CD84: variants seen among roughly 807,000 people sequenced by gnomAD.
CD84 encodes the protein SLAM family member 5.
A neutral mutation model predicts 33.8 loss-of-function variants in CD84; 22 were observed. The ratio of observed to expected loss-of-function variants is 0.65; its 90% CI spans 0.46 to 0.93. The LOEUF (loss-of-function observed/expected upper bound fraction) is 0.93, where lower values mean the gene tolerates loss of function less well. CD84 is among the 40% of genes least tolerant of loss of function. The pLI, the probability that CD84 is intolerant of heterozygous loss-of-function variation, is 0.00. For synonymous variants in CD84, 154 were observed against 145.2 expected (o/e 1.06, Z -0.44); for missense variants, 400 against 397.6 (o/e 1.01, Z -0.05).
chr1:160,556,213 T>G (rs1571356947), intron 2 of CD84, among the ~76,000 whole-genome samples: 1 of 152,184 alleles, frequency 6.6e-6, no homozygotes, highest in South Asian at 2.1e-4. Context: ...TGCACAAAGA[T>G]GCTGGGAAGA....
intron 2 of CD84, among the ~76,000 whole-genome samples, chr1:160,557,672 G>C (rs1202063603): frequency 6.6e-6 from 1 of 152,192 alleles, no homozygotes; most frequent in Non-Finnish European, 1.5e-5. Context: ...CATTTCAAAA[G>C]TCAAAACAAG....
chr1:160,546,282 C>G lies in CD84; in HGVS notation c.*1974G>C, dbSNP rs1393049307. ...GGATTACAGGCGTGAGCCACCACCC[C>G]AGCCGGCTTCCGTTTATCTGTAATT... On this transcript the variant is annotated 3_prime_UTR_variant, in exon 7 of 7. Transcript: ENST00000368054. 1.3e-5 allele frequency: 2 copies of G among 152,300 alleles called. No homozygotes were observed. The highest frequency in any genetic ancestry group is 2.9e-5 in the Non-Finnish European group (2 of 68,096). 9.4% of individuals were successfully genotyped at this position (152,300 alleles called of 1,614,324 possible).
chr1:160,550,066 T>G, intron 5 of CD84, 87 bp from the exon 6 acceptor site: 1 of 917,854 alleles, frequency 1.1e-6, no homozygotes, highest in Non-Finnish European at 1.8e-6. Flanking sequence ...CCCACCATCC[T>G]TCCCTGGTCC....
chr1:160,574,288 G>GA (rs1251085421), intron 1 of CD84, among the ~76,000 whole-genome samples: 1 of 152,052 alleles, frequency 6.6e-6, no homozygotes, highest in Non-Finnish European at 1.5e-5. Flanking sequence ...TTATTAACAA[G>GA]AATCAGATGG....
Position 160,549,994 on chromosome 1 carries a change from T to A in CD84, c.859-15A>T. 1 of 1,588,734 alleles carries A rather than the reference T, an allele frequency of 6.3e-7. No homozygotes were observed. Among genetic ancestry groups the A allele is most frequent in the Non-Finnish European group, 8.6e-7 (1 of 1,158,722 alleles). ...GAGGGAAGCACCTGTAAAACACACA[T>A]CTTCCCCTCAGTGAGGGAGCCCAGG... On this transcript the variant is annotated splice_polypyrimidine_tract_variant and intron_variant, in intron 5 of 6. Transcript: ENST00000368054.
chr1:160,575,420 A>T (rs140375136), intron 1 of CD84, among the ~76,000 whole-genome samples: 1 of 151,942 alleles, frequency 6.6e-6, no homozygotes, highest in African/African-American at 2.4e-5. Context: ...GCAATAGTAC[A>T]TTGTTTTCCC....
intron 1 of CD84, among the ~76,000 whole-genome samples, chr1:160,577,988 A>G (rs1041373462): frequency 6.6e-6 from 1 of 152,188 alleles, no homozygotes; most frequent in African/African-American, 2.4e-5. Context: ...AAGAGCATCA[A>G]AAATTTGAAA....
intron 2 of CD84, among the ~76,000 whole-genome samples, chr1:160,556,608 G>A (rs1333507083): frequency 6.6e-6 from 1 of 152,172 alleles, no homozygotes; most frequent in Non-Finnish European, 1.5e-5. Flanking sequence ...CTCTTTTTGT[G>A]CATACAGTGC....
rs1350798976 is a variant in CD84 at position 160,548,386 on chromosome 1, CA to C, written c.922-66del. 5.1e-6 allele frequency: 8 copies of C among 1,560,152 alleles called. No individual in the cohort carries two copies. The East Asian group carries it at 1.8e-4, about 35-fold the overall frequency. On this transcript the variant is annotated intron_variant, in intron 6 of 6. Coordinates refer to ENST00000368054, the MANE Select transcript of CD84 (RefSeq NM_003874.4). The stretch of plus-strand genomic sequence containing the variant: ...GTGCTGCTGGGGAACTCCAGTCCTG[CA>C]AGTTCCCAGAGGAGTTAAGCAAATG...
intron 6 of CD84, among the ~76,000 whole-genome samples, chr1:160,549,668 A>G (rs1656067301): frequency 2.0e-5 from 3 of 152,182 alleles, no homozygotes; most frequent in Admixed American, 6.5e-5. Context: ...GTTCAGAGGC[A>G]TAGGGACTTC....
At chr1:160,575,677 T>C (rs1465111418) in intron 1 of CD84, among the ~76,000 whole-genome samples, 1 of 152,126 alleles carries the variant, frequency 6.6e-6, no homozygotes, top group African/African-American at 2.4e-5. Flanking sequence ...CATACCTCTT[T>C]CCAAGTTTCA....
chr1:160,570,644 T>C (rs1257305307), intron 1 of CD84, among the ~76,000 whole-genome samples: 1 of 152,128 alleles, frequency 6.6e-6, no homozygotes, highest in Non-Finnish European at 1.5e-5. Context: ...GTGGATCGCT[T>C]GAGTCCAGGA....
Position 160,545,960 on chromosome 1 carries a change from T to A in CD84, c.*2296A>T, listed in dbSNP as rs1211783198. 1 of 151,806 alleles carries A rather than the reference T, an allele frequency of 6.6e-6. No homozygotes were observed. The highest frequency in any genetic ancestry group is 2.4e-5 in the African/African-American group (1 of 41,230). The allele number at this position is 151,806 out of a possible 1,614,324, so 9.4% of individuals were successfully genotyped here. ...TCCTGATATTTAATGCTTGCCAGAA[T>A]TTGATTGCACCATGCTTATTGGCTT... On this transcript the variant is annotated 3_prime_UTR_variant, in exon 7 of 7. Transcript: ENST00000368054.
At chr1:160,579,350 T>C (rs764431121) in intron 1 of CD84, 42 bp downstream of exon 1, 1 of 1,612,378 alleles carries the variant, frequency 6.2e-7, no homozygotes, top group Non-Finnish European at 8.5e-7. Context: ...TTTTAAAACT[T>C]TATGGAAAAC....
At chr1:160,557,752 T>C (rs1656698716) in intron 2 of CD84, among the ~76,000 whole-genome samples, 1 of 152,200 alleles carries the variant, frequency 6.6e-6, no homozygotes, top group East Asian at 1.9e-4. Context: ...TTCCCTAATA[T>C]GAAAATTACT....
chr1:160,579,294 T>C lies in CD84; in HGVS notation c.46+98A>G, dbSNP rs925858746. 6 of 1,555,052 alleles carry C rather than the reference T, an allele frequency of 3.9e-6. No homozygotes were observed. In the African/African-American group the frequency reaches 4.1e-5, roughly 11 times the overall value. On this transcript the variant is annotated intron_variant, in intron 1 of 6. Transcript: ENST00000368054. ...GATACTGAGACCCAGGGTGTTCTGCTAAACACAGATCAAAAAGACAGTTCA... is the reference window on the plus strand; with the variant it reads ...GATACTGAGACCCAGGGTGTTCTGCCAAACACAGATCAAAAAGACAGTTCA...
chr1:160,550,467 A>G (rs1179074564), intron 5 of CD84: 1 of 231,894 alleles, frequency 4.3e-6, no homozygotes, highest in Non-Finnish European at 7.1e-6. Flanking sequence ...AGGGGTGTGG[A>G]ACAGTGACTC....
rs1013310411 is a variant in CD84, at chr1:160,549,786, C to T, written c.921+131G>A. 2.4e-5 allele frequency: 18 copies of T among 762,100 alleles called. No individual in the cohort carries two copies. The African/African-American group carries it at 3.1e-4, about 13-fold the overall frequency. The allele number at this position is 762,100 out of a possible 1,614,324, so 47.2% of individuals were successfully genotyped here. Reference sequence around the variant, plus strand: ...GGTGGAAGTACATATAGACCAAAAACCTAGGCAGTGGGTCCTGAGAACTAC... The same window carrying T: ...GGTGGAAGTACATATAGACCAAAAATCTAGGCAGTGGGTCCTGAGAACTAC... On this transcript the variant is annotated intron_variant, in intron 6 of 6. Transcript: ENST00000368054.
At chr1:160,553,232 T>A in intron 4 of CD84, 146 bp downstream of exon 4, 1 of 1,282,962 alleles carries the variant, frequency 7.8e-7, no homozygotes, top group Non-Finnish European at 1.1e-6. Context: ...CTCAGAGCCA[T>A]CATTCTGGGA....
Sources: gnomAD v4.1 joint callset for allele counts (sites outside exome capture counted in the v4.1 genomes callset) on GRCh38, gnomAD v4.1.1 for gene constraint, MANE v1.5 for transcripts, NCBI Gene and HGNC (gene_info 2026-07-23, HGNC 2026-07-21) for gene names.